PCDHA6: variants seen among roughly 807,000 people sequenced by gnomAD.
PCDHA6 encodes protocadherin alpha 6, also known as protocadherin alpha-6.
PCDHA6 carries 55 observed loss-of-function variants against 60.3 expected under a neutral mutation model. The observed-to-expected ratio is 0.91, with a 90% CI of 0.73 to 1.14. The LOEUF (loss-of-function observed/expected upper bound fraction) is 1.14. Among genes scored for constraint, PCDHA6 ranks in the 50% most tolerant of loss-of-function variants. The pLI is 0.00. For synonymous variants in PCDHA6, 652 were observed against 557.9 expected (o/e 1.17, Z -2.38); for missense variants, 1,327 against 1,256.5 (o/e 1.06, Z -0.85).
At chr5:140,957,734 T>C (rs559180968) in intron 1 of PCDHA6, among the ~76,000 whole-genome samples, 2 of 152,240 alleles carry the variant, frequency 1.3e-5, no homozygotes, top group Admixed American at 6.5e-5. Flanking sequence ...GAATTATATA[T>C]ACTGACATGA....
chr5:140,883,787 T>C (rs2059820580), intron 1 of PCDHA6: 2 of 1,612,408 alleles, frequency 1.2e-6, no homozygotes, highest in Non-Finnish European at 1.7e-6. Context: ...GCTGTCGAGC[T>C]ACGTGTCGGT....
chr5:140,886,956 A>T (rs1007882657), intron 1 of PCDHA6, among the ~76,000 whole-genome samples: 1 of 152,090 alleles, frequency 6.6e-6, no homozygotes, highest in Non-Finnish European at 1.5e-5. Context: ...TTAGACATTT[A>T]GCAACGAAAT....
intron 1 of PCDHA6, chr5:140,929,542 C>A (rs2086218387): frequency 1.9e-6 from 1 of 536,790 alleles, no homozygotes; most frequent in Non-Finnish European, 3.0e-6. Context: ...GAAACAAGGG[C>A]AAAAATTAAA....
chr5:140,962,216 G>C (rs554182128), intron 1 of PCDHA6, among the ~76,000 whole-genome samples: 2 of 152,170 alleles, frequency 1.3e-5, no homozygotes, highest in African/African-American at 4.8e-5. Context: ...TATTGATCTT[G>C]AGGTTCAAGT....
chr5:140,944,273 G>A (rs1208171689), intron 1 of PCDHA6, among the ~76,000 whole-genome samples: 2 of 152,098 alleles, frequency 1.3e-5, no homozygotes, highest in African/African-American at 4.8e-5. Flanking sequence ...CTGCAGCCTT[G>A]ACACCCCGGG....
rs114871728 is a variant in PCDHA6, at chr5:140,922,694, C to T, written c.2395-56255C>T. The stretch of plus-strand genomic sequence containing the variant: ...GTAAAAAAGTGAACAGGCTCTGCTT[C>T]CATACAGTCAAGAACAAAAAGAAAC... On this transcript the variant is annotated intron_variant, in intron 1 of 3. Transcript: ENST00000529310. Among the ~76,000 whole-genome samples, 1,199 of 152,172 alleles carry T rather than the reference C, an allele frequency of 7.9e-3. 5 individuals carry two copies. The highest frequency in any genetic ancestry group is 0.018 in the African/African-American group (768 of 41,520).
At chr5:140,991,071 T>A (rs2097430480) in intron 3 of PCDHA6, among the ~76,000 whole-genome samples, 1 of 152,152 alleles carries the variant, frequency 6.6e-6, no homozygotes, top group African/African-American at 2.4e-5. Flanking sequence ...ATTCCCATGT[T>A]TCAGATAAAA....
intron 1 of PCDHA6, among the ~76,000 whole-genome samples, chr5:140,919,795 A>T (rs1554199259): frequency 6.6e-6 from 1 of 152,070 alleles, no homozygotes; most frequent in Non-Finnish European, 1.5e-5. Flanking sequence ...CTTGTGGTGG[A>T]TTGAATTGTG....
At chr5:140,851,027 C>A in intron 1 of PCDHA6, 2 of 1,410,188 alleles carry the variant, frequency 1.4e-6, no homozygotes, top group Non-Finnish European at 1.9e-6. Flanking sequence ...TAAAGTAAAC[C>A]CCTTAACATT....
intron 3 of PCDHA6, among the ~76,000 whole-genome samples, chr5:140,990,910 A>G (rs1460988111): frequency 1.3e-5 from 2 of 152,198 alleles, no homozygotes; most frequent in African/African-American, 2.4e-5. Context: ...GTCAAGTTTT[A>G]TAAGTCTTTA....
intron 3 of PCDHA6, among the ~76,000 whole-genome samples, chr5:141,007,748 T>C (rs188910603): frequency 1.3e-3 from 195 of 152,298 alleles, no homozygotes; most frequent in African/African-American, 4.4e-3. Context: ...GAAGATAACT[T>C]TGGACTCTTA....
Position 140,830,193 on chromosome 5 carries a change from T to G in PCDHA6, c.2102T>G (p.Ile701Ser). Residue 701 changes from isoleucine to serine, a missense_variant, in exon 1 of 4, where the codon ATC becomes AGC. Ile to Ser is a moderately radical substitution (Grantham distance 142). Transcript: ENST00000529310. ...CTGGTGGATGTCAACGTGTACCTGA[T>G]CATCGCCATCTGCGCGGTATCCAGC... is the stretch of plus-strand genomic sequence containing the variant. ...AALVDVNVYL[I>S]IAICAVSSLL... The G allele has an allele frequency of 6.2e-7, 1 of 1,613,664 alleles. No individual in the cohort carries two copies. The highest frequency in any genetic ancestry group is 8.5e-7 in the Non-Finnish European group (1 of 1,179,866).
chr5:140,850,523 A>G (rs2150487907), intron 1 of PCDHA6: 1 of 1,598,226 alleles, frequency 6.3e-7, no homozygotes, highest in Non-Finnish European at 8.6e-7. Flanking sequence ...GCCAGGCGCC[A>G]AAGTCATCGT....
At chr5:140,845,758 T>A (rs1780017819) in intron 1 of PCDHA6, among the ~76,000 whole-genome samples, 1 of 149,708 alleles carries the variant, frequency 6.7e-6, no homozygotes, top group African/African-American at 2.4e-5. Flanking sequence ...TTGTATCAAG[T>A]AAGTTAATAG....
In PCDHA6 at chr5:140,842,895, A is replaced by G; in HGVS notation, c.2394+12410A>G. On this transcript the variant is annotated intron_variant, in intron 1 of 3. Coordinates refer to ENST00000529310, the MANE Select transcript of PCDHA6 (RefSeq NM_018909.4). ...GTGTACGCGCTGCAGCCGCTGGACC[A>G]CGAGGAGCTAGAGCTGCTGCAGTTC... 8 of 1,594,156 alleles carry G rather than the reference A, an allele frequency of 5.0e-6. 1 individual carries two copies. Among genetic ancestry groups the G allele is most frequent in the Non-Finnish European group, 6.9e-6 (8 of 1,165,410 alleles).
intron 1 of PCDHA6, among the ~76,000 whole-genome samples, chr5:140,904,088 TA>T (rs1486110849): frequency 9.8e-5 from 15 of 152,340 alleles, no homozygotes; most frequent in Admixed American, 2.6e-4. Flanking sequence ...GTTACATGAA[TA>T]ACTACTTTAG....
chr5:140,951,983 A>G (rs1043433314), intron 1 of PCDHA6, among the ~76,000 whole-genome samples: 1 of 152,214 alleles, frequency 6.6e-6, no homozygotes, highest in African/African-American at 2.4e-5. Context: ...CAAAAGGGAA[A>G]AACCAGCCAA....
intron 1 of PCDHA6, chr5:140,968,861 C>T (rs139036960): frequency 5.6e-5 from 90 of 1,614,182 alleles, no homozygotes; most frequent in Admixed American, 2.8e-4. Flanking sequence ...TAAGAGCCCT[C>T]GGACATACTC....
intron 1 of PCDHA6, among the ~76,000 whole-genome samples, chr5:140,855,480 A>T (rs567213059): frequency 4.7e-5 from 7 of 150,092 alleles, no homozygotes; most frequent in Middle Eastern, 6.8e-3. Context: ...GATGCTTGAC[A>T]TTAGTGTCTA....
Sources: gnomAD v4.1 joint callset for allele counts (sites outside exome capture counted in the v4.1 genomes callset) on GRCh38, gnomAD v4.1.1 for gene constraint, MANE v1.5 for transcripts, NCBI Gene and HGNC (gene_info 2026-07-23, HGNC 2026-07-21) for gene names.